METRNL: variants seen among roughly 807,000 people sequenced by gnomAD.
METRNL encodes the protein meteorin-like protein.
METRNL carries 9 observed loss-of-function variants against 17.4 expected under a neutral mutation model. The observed-to-expected ratio is 0.52, with a 90% confidence interval of 0.31 to 0.90. The LOEUF (loss-of-function observed/expected upper bound fraction) is 0.90. Among genes scored for constraint, METRNL ranks in the 40% least tolerant of loss-of-function variants. The pLI is 0.05. For synonymous variants in METRNL, 215 were observed against 199.3 expected, an observed-to-expected ratio of 1.08 and a Z score of -0.66; for missense variants, 408 against 430.7, an observed-to-expected ratio of 0.95 and a Z score of 0.47.
In METRNL at chr17:83,079,676, G is replaced by T; in HGVS notation, c.-140G>T. 4.8e-6 allele frequency: 1 copy of T among 207,640 alleles called. No homozygotes were observed. Among genetic ancestry groups the T allele is most frequent in the Non-Finnish European group, 8.2e-6 (1 of 121,874 alleles). The allele number at this position is 207,640 out of a possible 1,614,324, so 12.9% of individuals were successfully genotyped here. On this transcript the variant is annotated 5_prime_UTR_variant, in exon 1 of 4. Coordinates refer to ENST00000320095, the MANE Select transcript of METRNL (RefSeq NM_001004431.3). ...CTCCAGCGGGCCGGGATGGGCGGGC[G>T]GCCGCGCGGAGGACGCGGGGGGCGC...
At chr17:83,082,352 C>A in intron 1 of METRNL, 1 of 641,208 alleles carries the variant, frequency 1.6e-6, no homozygotes, top group Non-Finnish European at 1.9e-6. Context: ...GCCTCAACAA[C>A]CCTCCAGTGC....
chr17:83,089,989 C>T (rs957164080), intron 2 of METRNL, among the ~76,000 whole-genome samples: 5 of 152,030 alleles, frequency 3.3e-5, no homozygotes, highest in Non-Finnish European at 7.4e-5. Flanking sequence ...CGTCTCCATC[C>T]TCCCCCTCGG....
chr17:83,090,194 AGCC>A lies in METRNL; in HGVS notation c.557-2972_557-2970del, dbSNP rs1202515978. Among the ~76,000 whole-genome samples the A allele has an allele frequency of 1.2e-4, 8 of 67,466 alleles. 2 individuals carry two copies. Among genetic ancestry groups the A allele is most frequent in the South Asian group, 1.7e-3 (2 of 1,202 alleles). 44.3% of individuals were successfully genotyped at this position (67,466 alleles called of 152,430 possible). Reference sequence around the variant, plus strand: ...CACCCCTGCCCCGCCCCAGGGTGGGAGCCACACACCCCCGCCCCGCCCCAGGGT... The same window carrying A: ...CACCCCTGCCCCGCCCCAGGGTGGGAACACACCCCCGCCCCGCCCCAGGGT... On this transcript the variant is annotated intron_variant, in intron 2 of 3. Coordinates refer to ENST00000320095, the MANE Select transcript of METRNL (RefSeq NM_001004431.3).
chr17:83,092,887 T>C (rs1429283015), intron 2 of METRNL, among the ~76,000 whole-genome samples: 1 of 152,132 alleles, frequency 6.6e-6, no homozygotes, highest in Admixed American at 6.5e-5. Flanking sequence ...GTGCCCATCA[T>C]GGCCGAGGTG....
At chr17:83,086,101 C>T (rs374652461) in intron 2 of METRNL, among the ~76,000 whole-genome samples, 27 of 152,206 alleles carry the variant, frequency 1.8e-4, no homozygotes, top group African/African-American at 5.8e-4. Flanking sequence ...TGTGGGTAGA[C>T]ACCAGGAGGC....
intron 1 of METRNL, among the ~76,000 whole-genome samples, chr17:83,081,186 G>T (rs529750153): frequency 6.6e-6 from 1 of 152,084 alleles, no homozygotes; most frequent in East Asian, 1.9e-4. Flanking sequence ...GGAGGTCTGG[G>T]GGGGGTCGGC....
At position 83,094,680 on chromosome 17, in the gene METRNL, G is replaced by T. The variant is rs2038182862; in HGVS notation, c.*105G>T. 10 of 921,512 alleles carry T rather than the reference G, an allele frequency of 1.1e-5. No individual in the cohort carries two copies. In the South Asian group the frequency reaches 2.0e-4, roughly 18 times the overall value. 57.1% of individuals were successfully genotyped at this position (921,512 alleles called of 1,614,324 possible). A position where few individuals can be genotyped will look rare whatever the true frequency, so the allele number is the denominator to read the frequency against. On this transcript the variant is annotated 3_prime_UTR_variant, in exon 4 of 4. Coordinates refer to ENST00000320095, the MANE Select transcript of METRNL (RefSeq NM_001004431.3). ...GAGGGCCGCGCGCTGGGAGCCGCATGCCCTGGGCCCAGGCCTGACCCTGGT... is the reference window on the plus strand; with the variant it reads ...GAGGGCCGCGCGCTGGGAGCCGCATTCCCTGGGCCCAGGCCTGACCCTGGT...
At chr17:83,093,592 G>A (rs548879047) in intron 3 of METRNL, among the ~76,000 whole-genome samples, 2 of 152,332 alleles carry the variant, frequency 1.3e-5, no homozygotes, top group East Asian at 1.9e-4. Context: ...CATCCTTGGC[G>A]TTGGACACTC....
intron 2 of METRNL, among the ~76,000 whole-genome samples, chr17:83,091,213 G>A (rs538883080): frequency 4.6e-4 from 70 of 151,724 alleles, no homozygotes; most frequent in Non-Finnish European, 9.3e-4. Flanking sequence ...GACCGGCCTC[G>A]AGGCGCCCCC....
chr17:83,093,547 T>C (rs2038166119), intron 3 of METRNL, among the ~76,000 whole-genome samples: 1 of 152,262 alleles, frequency 6.6e-6, no homozygotes, highest in South Asian at 2.1e-4. Context: ...CTTGCTGAAG[T>C]GCTTTGTAAA....
At chr17:83,089,031 T>C (rs2038084787) in intron 2 of METRNL, among the ~76,000 whole-genome samples, 1 of 151,738 alleles carries the variant, frequency 6.6e-6, no homozygotes, top group Non-Finnish European at 1.5e-5. Context: ...GCCAGCTTCC[T>C]CACCAGGAAG....
At chr17:83,091,595 C>G (rs1463335653) in intron 2 of METRNL, among the ~76,000 whole-genome samples, 1 of 152,060 alleles carries the variant, frequency 6.6e-6, no homozygotes, top group East Asian at 1.9e-4. Flanking sequence ...CCCTGGGACC[C>G]CCAGTCACCA....
At position 83,094,621 on chromosome 17, in the gene METRNL, G is replaced by A. The variant is rs200055090; in HGVS notation, c.*46G>A. The A allele has an allele frequency of 9.3e-4, 1,291 of 1,395,554 alleles. No homozygotes were observed. The highest frequency in any genetic ancestry group is 1.2e-3 in the Non-Finnish European group (1,251 of 1,068,726). The allele number at this position is 1,395,554 out of a possible 1,614,324, so 86.4% of individuals were successfully genotyped here. A position where few individuals can be genotyped will look rare whatever the true frequency, so the allele number is the denominator to read the frequency against. On this transcript the variant is annotated 3_prime_UTR_variant, in exon 4 of 4. Transcript: ENST00000320095. Reference sequence around the variant, plus strand: ...CCTCTCCTGATGAGTCACAGGCTGCGGTGGGCGCTGCGGTCCTGGTGGGGC... The same window carrying A: ...CCTCTCCTGATGAGTCACAGGCTGCAGTGGGCGCTGCGGTCCTGGTGGGGC...
chr17:83,093,740 T>C (rs2038168629), intron 3 of METRNL, among the ~76,000 whole-genome samples: 1 of 152,064 alleles, frequency 6.6e-6, no homozygotes, highest in Non-Finnish European at 1.5e-5. Context: ...GTGGGAAAGG[T>C]TTGGCCTCCC....
intron 1 of METRNL, chr17:83,082,241 A>G: frequency 1.0e-6 from 1 of 985,466 alleles, no homozygotes; most frequent in South Asian, 4.7e-5. Flanking sequence ...AGGTGGGGAA[A>G]GGAAAGTTAA....
intron 1 of METRNL, among the ~76,000 whole-genome samples, chr17:83,082,511 C>A (rs2038001555): frequency 6.6e-6 from 1 of 152,242 alleles, no homozygotes; most frequent in Non-Finnish European, 1.5e-5. Context: ...AACATCAGAT[C>A]AGCCTTGTCA....
At chr17:83,088,928 A>G (rs560803734) in intron 2 of METRNL, among the ~76,000 whole-genome samples, 24 of 152,260 alleles carry the variant, frequency 1.6e-4, no homozygotes, top group African/African-American at 5.8e-4. Flanking sequence ...TCTCTCGTCC[A>G]TCTTTGGCTT....
At chr17:83,090,171 C>CA (rs1568338575) in intron 2 of METRNL, among the ~76,000 whole-genome samples, 6 of 114,844 alleles carry the variant, frequency 5.2e-5, no homozygotes, top group Non-Finnish European at 9.9e-5. Flanking sequence ...GAGCCACACA[C>CA]CCCTGCCCCG....
At position 83,079,952 on chromosome 17, in the gene METRNL, A is replaced by G. The variant is rs1447355928; in HGVS notation, c.137A>G (p.Gln46Arg). The G allele has an allele frequency of 9.9e-7, 1 of 1,011,688 alleles. No individual in the cohort carries two copies. Among genetic ancestry groups the G allele is most frequent in the Non-Finnish European group, 1.2e-6 (1 of 848,996 alleles). The allele number at this position is 1,011,688 out of a possible 1,614,324, so 62.7% of individuals were successfully genotyped here. ...GGGCTGCTGGGCGGCGCGGGCGCGC[A>G]GTACTCCAGCGACCGGTGCAGCTGG... is the stretch of plus-strand genomic sequence containing the variant. ...LAGLLGGAGA[Q>R]YSSDRCSWKG... is the part of the protein sequence containing the mutation. Residue 46 changes from glutamine (Q) to arginine (R), a missense_variant, in exon 1 of 4, where the codon CAG becomes CGG. Transcript: ENST00000320095.
Sources: allele counts gnomAD v4.1 joint callset (sites outside exome capture counted in the v4.1 genomes callset), GRCh38; gene constraint gnomAD v4.1.1; transcripts MANE v1.5; gene names NCBI Gene and HGNC (gene_info 2026-07-23, HGNC 2026-07-21).